The following LRRTM4 variants were observed in gnomAD, a reference collection of about 807,000 sequenced individuals.
LRRTM4 encodes the protein leucine rich repeat transmembrane neuronal 4.
In LRRTM4, 25 loss-of-function variants were observed where a neutral mutation model predicts 47.6. That is an observed-to-expected ratio of 0.53 (90% CI 0.38 to 0.73). The LOEUF (loss-of-function observed/expected upper bound fraction) is 0.73, where lower values mean the gene tolerates loss of function less well. Ranked by LOEUF, LRRTM4 falls within the 30% of genes least tolerant of loss-of-function variation. LRRTM4 has a pLI of 0.00. For missense variants in LRRTM4, 638 were observed against 713.4 expected, an observed-to-expected ratio of 0.89 and a Z score of 1.20; for synonymous variants, 311 against 269.5, an observed-to-expected ratio of 1.15 and a Z score of -1.51.
chr2:77,510,737 T>C (rs1678951988), intron 3 of LRRTM4, among the ~76,000 whole-genome samples: 1 of 152,026 alleles, frequency 6.6e-6, no homozygotes, highest in South Asian at 2.1e-4. Flanking sequence ...TCATCCATGT[T>C]TATCTTAGTT....
chr2:77,119,192 C>T (rs1394808814), intron 3 of LRRTM4, among the ~76,000 whole-genome samples: 1 of 151,732 alleles, frequency 6.6e-6, no homozygotes, highest in African/African-American at 2.4e-5. Flanking sequence ...ACCTACCACC[C>T]CCATCCCCAC....
intron 3 of LRRTM4, among the ~76,000 whole-genome samples, chr2:77,096,504 A>T (rs1670815916): frequency 6.6e-6 from 1 of 151,598 alleles, no homozygotes; most frequent in South Asian, 2.1e-4. Context: ...AAATGTCAAA[A>T]GTACAAAACA....
At chr2:77,496,239 C>T (rs113613974) in intron 3 of LRRTM4, among the ~76,000 whole-genome samples, 1 of 151,830 alleles carries the variant, frequency 6.6e-6, no homozygotes, top group Admixed American at 6.6e-5. Context: ...GCTTTCTTAA[C>T]AGATTCAGTT....
intron 3 of LRRTM4, among the ~76,000 whole-genome samples, chr2:77,081,217 T>C (rs1353165127): frequency 6.7e-6 from 1 of 149,218 alleles, no homozygotes; most frequent in Non-Finnish European, 1.5e-5. Context: ...TTCCCTAAAG[T>C]ATTCCCAGCA....
chr2:76,856,167 C>T (rs891051458), intron 3 of LRRTM4, among the ~76,000 whole-genome samples: 2 of 152,054 alleles, frequency 1.3e-5, no homozygotes, highest in African/African-American at 4.8e-5. Context: ...ACCCCAGCTA[C>T]TCGGGAGGCT....
At chr2:77,168,971 C>T (rs1672967830) in intron 3 of LRRTM4, among the ~76,000 whole-genome samples, 1 of 152,018 alleles carries the variant, frequency 6.6e-6, no homozygotes, top group African/African-American at 2.4e-5. Context: ...TAATGAAGGA[C>T]AAAAACCATA....
intron 3 of LRRTM4, among the ~76,000 whole-genome samples, chr2:77,126,890 A>AT (rs1558593221): frequency 6.6e-6 from 1 of 151,988 alleles, no homozygotes; most frequent in Non-Finnish European, 1.5e-5. Context: ...ACCCACCATT[A>AT]TTTTTTTCTA....
At chr2:77,231,828 G>A (rs1166207583) in intron 3 of LRRTM4, among the ~76,000 whole-genome samples, 4 of 152,044 alleles carry the variant, frequency 2.6e-5, no homozygotes, top group African/African-American at 4.8e-5. Flanking sequence ...TGACTCTAAC[G>A]TTAGGTATTC....
chr2:76,847,682 C>G (rs1671875987), intron 3 of LRRTM4, among the ~76,000 whole-genome samples: 1 of 151,742 alleles, frequency 6.6e-6, no homozygotes, highest in Admixed American at 6.6e-5. Flanking sequence ...TAATGATATT[C>G]CATTACTTAT....
intron 3 of LRRTM4, among the ~76,000 whole-genome samples, chr2:76,891,121 A>C (rs771390251): frequency 6.6e-6 from 1 of 151,942 alleles, no homozygotes; most frequent in Non-Finnish European, 1.5e-5. Flanking sequence ...AGAAAACTGA[A>C]GAATCTACAG....
intron 3 of LRRTM4, among the ~76,000 whole-genome samples, chr2:76,834,086 G>A (rs192991158): frequency 4.6e-5 from 7 of 151,150 alleles, no homozygotes; most frequent in African/African-American, 1.7e-4. Flanking sequence ...TGTGGCCCTG[G>A]CTGGAGTGCA....
intron 3 of LRRTM4, among the ~76,000 whole-genome samples, chr2:77,487,655 A>G (rs1032330323): frequency 1.1e-4 from 16 of 152,154 alleles, no homozygotes; most frequent in Admixed American, 8.5e-4. Context: ...CCCCACCTTC[A>G]GGCCACCAAA....
At position 76,816,933 on chromosome 2, in the gene LRRTM4, A is replaced by C. The variant is rs150633977; in HGVS notation, c.1552-68017T>G. On this transcript the variant is annotated intron_variant, in intron 3 of 3. Coordinates refer to ENST00000409884, the MANE Select transcript of LRRTM4 (RefSeq NM_001134745.3). ...ATAAATGGCTTTTCATGTTTGCGGG[A>C]AGTGTACATGCAGAGTATTGCAGTC... 4.7e-3 allele frequency among the ~76,000 whole-genome samples: 686 copies of C among 146,840 alleles called. 19 individuals carry two copies. The highest frequency in any genetic ancestry group is 0.037 in the Admixed American group (524 of 14,220).
At chr2:77,300,208 A>T (rs1054084460) in intron 3 of LRRTM4, among the ~76,000 whole-genome samples, 4 of 152,174 alleles carry the variant, frequency 2.6e-5, no homozygotes, top group Non-Finnish European at 5.9e-5. Context: ...CCTAAAAGCA[A>T]TGACTTCTAG....
At chr2:77,398,828 G>C (rs1357612825) in intron 3 of LRRTM4, among the ~76,000 whole-genome samples, 1 of 151,774 alleles carries the variant, frequency 6.6e-6, no homozygotes, top group Non-Finnish European at 1.5e-5. Flanking sequence ...AAGGAATCTA[G>C]AAGTGGCCAA....
chr2:77,151,324 C>T (rs1327727905), intron 3 of LRRTM4, among the ~76,000 whole-genome samples: 1 of 152,096 alleles, frequency 6.6e-6, no homozygotes. Context: ...ACTCCCCATT[C>T]CCCCACAATC....
chr2:77,017,678 C>G (rs933547250), intron 3 of LRRTM4, among the ~76,000 whole-genome samples: 1 of 152,142 alleles, frequency 6.6e-6, no homozygotes. Flanking sequence ...TCTCCTCCTC[C>G]TATACTTACA....
intron 3 of LRRTM4, among the ~76,000 whole-genome samples, chr2:76,904,139 A>T (rs1673738273): frequency 6.6e-6 from 1 of 152,222 alleles, no homozygotes; most frequent in African/African-American, 2.4e-5. Context: ...CATGAAGCAT[A>T]GTATAATTGA....
intron 3 of LRRTM4, among the ~76,000 whole-genome samples, chr2:76,932,017 A>T (rs1338761396): frequency 6.6e-6 from 1 of 152,170 alleles, no homozygotes. Context: ...CAGTTACTTT[A>T]TCCTGAGAAT....
Sources: gnomAD v4.1 joint callset for allele counts (sites outside exome capture counted in the v4.1 genomes callset) on GRCh38, gnomAD v4.1.1 for gene constraint, MANE v1.5 for transcripts, NCBI Gene and HGNC (gene_info 2026-07-23, HGNC 2026-07-21) for gene names.